The following CALN1 variants were observed in gnomAD, a reference collection of about 807,000 sequenced individuals.
CALN1 encodes the protein calcium-binding protein 8.
In CALN1, 17 loss-of-function variants were observed where a neutral mutation model predicts 30.6. The observed-to-expected ratio is 0.56, with a 90% CI of 0.38 to 0.83. The LOEUF (loss-of-function observed/expected upper bound fraction) is 0.83, where lower values mean the gene tolerates loss of function less well. Ranked by LOEUF, CALN1 falls within the 40% of genes least tolerant of loss-of-function variation. The pLI, the probability that CALN1 is intolerant of heterozygous loss-of-function variation, is 0.00. For synonymous variants in CALN1, 156 were observed against 131.4 expected, an observed-to-expected ratio of 1.19 and a Z score of -1.28; for missense variants, 291 against 354.9, an observed-to-expected ratio of 0.82 and a Z score of 1.45.
intron 5 of CALN1, among the ~76,000 whole-genome samples, chr7:71,817,052 A>G (rs1160163222): frequency 3.3e-5 from 5 of 152,202 alleles, no homozygotes; most frequent in African/African-American, 1.2e-4. Context: ...ATCTAAACAA[A>G]ATAAGTTGCG....
chr7:71,867,106 T>C (rs1396933639), intron 5 of CALN1, among the ~76,000 whole-genome samples: 16 of 151,422 alleles, frequency 1.1e-4, no homozygotes, highest in Admixed American at 9.9e-4. Flanking sequence ...GGTCACACCA[T>C]TGCACTCCAG....
the CALN1 span, among the ~76,000 whole-genome samples, chr7:72,475,672 A>G: frequency 6.6e-6 from 1 of 152,176 alleles, no homozygotes; most frequent in East Asian, 1.9e-4. Context: ...TTTTGCACAG[A>G]TTGCTCAAGA....
chr7:72,239,661 G>A (rs1024799132), intron 3 of CALN1, among the ~76,000 whole-genome samples: 8 of 150,820 alleles, frequency 5.3e-5, no homozygotes, highest in Non-Finnish European at 2.9e-5. Context: ...TGTAGATCAA[G>A]TTAACTCAAC....
intron 5 of CALN1, among the ~76,000 whole-genome samples, chr7:71,953,220 G>A (rs1357145195): frequency 1.3e-5 from 2 of 152,044 alleles, no homozygotes; most frequent in Non-Finnish European, 2.9e-5. Flanking sequence ...GGCCTCCCAA[G>A]TAGCTGGGAC....
At chr7:72,011,427 T>C (rs1197696647) in intron 5 of CALN1, among the ~76,000 whole-genome samples, 15 of 152,056 alleles carry the variant, frequency 9.9e-5, no homozygotes, top group Non-Finnish European at 2.1e-4. Context: ...GTCAAGAGCA[T>C]TGGAGCCGTG....
intron 5 of CALN1, among the ~76,000 whole-genome samples, chr7:71,892,439 C>T (rs1793296440): frequency 6.6e-6 from 1 of 152,120 alleles, no homozygotes; most frequent in Non-Finnish European, 1.5e-5. Flanking sequence ...GAGTTCGAGA[C>T]CAGCCTTGGG....
intron 3 of CALN1, among the ~76,000 whole-genome samples, chr7:72,110,903 G>A (rs887203156): frequency 4.6e-5 from 7 of 152,132 alleles, no homozygotes; most frequent in African/African-American, 1.7e-4. Context: ...GGAACAGGCA[G>A]GATCCCTCTG....
intron 3 of CALN1, among the ~76,000 whole-genome samples, chr7:72,182,842 G>C (rs1215283421): frequency 2.0e-5 from 3 of 151,978 alleles, no homozygotes; most frequent in Non-Finnish European, 2.9e-5. Context: ...GCACAAAGTT[G>C]TGACAATTAT....
In CALN1 at chr7:72,290,182, A is replaced by C. The variant is rs184592281; in HGVS notation, c.120-11372T>G. Among the ~76,000 whole-genome samples, 54 of 148,718 alleles carry C rather than the reference A, an allele frequency of 3.6e-4. 1 individual carries two copies. The Middle Eastern group carries it at 0.014, about 39-fold the overall frequency. On this transcript the variant is annotated intron_variant, in intron 2 of 6. Coordinates refer to ENST00000395275, the MANE Select transcript of CALN1 (RefSeq NM_031468.4). ...CCTTAAAATTTAAAAGTGGGCTCTC[A>C]CAAGCCAGTATGAGCTTATGAGCTA...
At chr7:71,985,233 T>C (rs1197307501) in intron 5 of CALN1, among the ~76,000 whole-genome samples, 3 of 152,284 alleles carry the variant, frequency 2.0e-5, no homozygotes, top group East Asian at 3.9e-4. Flanking sequence ...AAAACGACTA[T>C]GAAATATCAT....
intron 2 of CALN1, among the ~76,000 whole-genome samples, chr7:72,395,067 C>G (rs1204539875): frequency 6.6e-6 from 1 of 152,114 alleles, no homozygotes; most frequent in Non-Finnish European, 1.5e-5. Context: ...TTGCATGTAT[C>G]CTAACACATA....
At chr7:72,059,595 T>C (rs983270135) in intron 4 of CALN1, among the ~76,000 whole-genome samples, 1 of 152,184 alleles carries the variant, frequency 6.6e-6, no homozygotes, top group Non-Finnish European at 1.5e-5. Context: ...TTTCAGAGCT[T>C]AGCTTTCAAG....
intron 4 of CALN1, among the ~76,000 whole-genome samples, chr7:72,094,181 G>A (rs1456272300): frequency 6.6e-6 from 1 of 152,222 alleles, no homozygotes; most frequent in African/African-American, 2.4e-5. Flanking sequence ...CTGGGGAATA[G>A]GTGTAACAAT....
intron 5 of CALN1, among the ~76,000 whole-genome samples, chr7:71,879,468 C>A (rs557084398): frequency 6.6e-6 from 1 of 152,274 alleles, no homozygotes; most frequent in Non-Finnish European, 1.5e-5. Context: ...GAAATGGTCT[C>A]CTGTGAGGTG....
At chr7:72,380,144 A>G (rs1046386735) in intron 2 of CALN1, among the ~76,000 whole-genome samples, 2 of 152,202 alleles carry the variant, frequency 1.3e-5, no homozygotes. Flanking sequence ...AGAAAATCCA[A>G]TAGTCAGACA....
At chr7:71,794,887 A>C (rs891798641) in intron 6 of CALN1, among the ~76,000 whole-genome samples, 1 of 152,204 alleles carries the variant, frequency 6.6e-6, no homozygotes, top group African/African-American at 2.4e-5. Flanking sequence ...TAAGCTCAGC[A>C]CATAAGACCA....
At chr7:72,148,145 A>G (rs907768300) in intron 3 of CALN1, among the ~76,000 whole-genome samples, 2 of 84,774 alleles carry the variant, frequency 2.4e-5, no homozygotes, top group African/African-American at 5.0e-5. Context: ...AAACAAACAG[A>G]AAAAAAAAAA....
chr7:72,501,922 A>AT, the CALN1 span, among the ~76,000 whole-genome samples: 5 of 86,006 alleles, frequency 5.8e-5, no homozygotes, highest in African/African-American at 3.3e-4. Context: ...AAAAAAAAAA[A>AT]AAAAAAATAT....
chr7:72,481,197 C>A, the CALN1 span, among the ~76,000 whole-genome samples: 1 of 152,182 alleles, frequency 6.6e-6, no homozygotes, highest in Non-Finnish European at 1.5e-5. Flanking sequence ...AGTGATCCGC[C>A]CGCGTCGGCC....
Sources: gnomAD v4.1 joint callset for allele counts (sites outside exome capture counted in the v4.1 genomes callset) on GRCh38, gnomAD v4.1.1 for gene constraint, MANE v1.5 for transcripts, NCBI Gene and HGNC (gene_info 2026-07-23, HGNC 2026-07-21) for gene names.